Variants in PACS2 observed in about 807,000 individuals in gnomAD.
PACS2 encodes the protein PACS1-like protein.
PACS2 carries 36 observed loss-of-function variants against 113.0 expected under a neutral mutation model. The observed-to-expected ratio is 0.32, with a 90% CI of 0.24 to 0.42. The LOEUF (loss-of-function observed/expected upper bound fraction) is 0.42. Among genes scored for constraint, PACS2 ranks in the 10% least tolerant of loss-of-function variants. PACS2 has a pLI of 1.00. For missense variants in PACS2, 1,015 were observed against 1,239.5 expected, an observed-to-expected ratio of 0.82 and a Z score of 2.72; for synonymous variants, 589 against 536.1, an observed-to-expected ratio of 1.10 and a Z score of -1.36.
intron 4 of PACS2, among the ~76,000 whole-genome samples, chr14:105,361,133 A>G (rs2060663491): frequency 1.3e-5 from 2 of 152,186 alleles, no homozygotes; most frequent in Non-Finnish European, 2.9e-5. Context: ...ACTTCTCCCA[A>G]ATTCCTGTCA....
intron 16 of PACS2, chr14:105,384,054 G>A (rs922886446): frequency 5.0e-6 from 2 of 401,078 alleles, no homozygotes; most frequent in South Asian, 5.8e-5. Context: ...TCACGATGCC[G>A]ACGTCAGAGC....
At chr14:105,379,227 T>C (rs183969388) in intron 9 of PACS2, among the ~76,000 whole-genome samples, 1 of 151,944 alleles carries the variant, frequency 6.6e-6, no homozygotes, top group East Asian at 1.9e-4. Context: ...CCTGGATGGT[T>C]TGGAAGGACC....
intron 1 of PACS2, among the ~76,000 whole-genome samples, chr14:105,305,414 A>G (rs1475234347): frequency 6.6e-6 from 1 of 151,190 alleles, no homozygotes; most frequent in Non-Finnish European, 1.5e-5. Context: ...AGAAAAAAGA[A>G]ACAAGAAAAA....
In PACS2 at chr14:105,315,058, T is replaced by G; in HGVS notation, c.119+21T>G. The G allele has an allele frequency of 8.7e-7, 1 of 1,150,546 alleles. No individual in the cohort carries two copies. The highest frequency in any genetic ancestry group is 1.1e-6 in the Non-Finnish European group (1 of 928,302). 71.3% of individuals were successfully genotyped at this position (1,150,546 alleles called of 1,614,324 possible). A position where few individuals can be genotyped will look rare whatever the true frequency, so the allele number is the denominator to read the frequency against. ...CCCAGGTACGCGCCGCCCGCCGCGC[T>G]TTGTTCCCGCCGGGCACCTGCTGGG... On this transcript the variant is annotated intron_variant, in intron 1 of 24. Coordinates refer to ENST00000447393, the MANE Select transcript of PACS2 (RefSeq NM_001100913.3). This position sits in a 1 kb window ranked among gnomAD's most constrained non-coding sequence, Gnocchi z 4.4.
intron 1 of PACS2, among the ~76,000 whole-genome samples, chr14:105,336,957 C>T (rs190286592): frequency 2.4e-4 from 37 of 152,352 alleles, no homozygotes; most frequent in Non-Finnish European, 3.5e-4. Flanking sequence ...GCCTTACTCA[C>T]GGTGACTGCG....
intron 17 of PACS2, 91 bp from the exon 18 acceptor site, chr14:105,384,788 C>T: frequency 1.2e-6 from 1 of 834,222 alleles, no homozygotes; most frequent in South Asian, 1.5e-5. Flanking sequence ...GTACGGGAGG[C>T]CTGGGCGGGG....
chr14:105,327,312 C>T (rs374019839), intron 1 of PACS2, among the ~76,000 whole-genome samples: 5 of 152,180 alleles, frequency 3.3e-5, no homozygotes, highest in African/African-American at 7.2e-5. Flanking sequence ...GGGATGTGCG[C>T]GGCCAGGTCA....
rs199554211 is a variant in PACS2, at chr14:105,348,499, C to T, written c.126C>T (p.Cys42=). 100 of 1,611,030 alleles carry T rather than the reference C, an allele frequency of 6.2e-5. No homozygotes were observed. The highest frequency in any genetic ancestry group is 7.7e-5 in the Non-Finnish European group (91 of 1,178,918). The change falls in exon 2 of 25, where the codon TGC becomes TGT. Residue 42 remains cysteine (C), a synonymous_variant. Coordinates refer to ENST00000447393, the MANE Select transcript of PACS2 (RefSeq NM_001100913.3). This position sits in a 1 kb window ranked among gnomAD's most constrained non-coding sequence, Gnocchi z 6.4. ...GSSPSCVPRL[C]SLTLKKLVVF... is the part of the protein sequence containing the mutation. ...GCTGTGCCTTGCCTCACAGGTTGTG[C>T]AGCCTGACTCTGAAGAAGCTGGTGG...
chr14:105,334,546 A>C (rs944165046), intron 1 of PACS2, among the ~76,000 whole-genome samples: 2 of 151,656 alleles, frequency 1.3e-5, no homozygotes, highest in Non-Finnish European at 2.9e-5. Context: ...CCTGAGGGCC[A>C]GTGCCTACGT....
At position 105,357,789 on chromosome 14, in the gene PACS2, G is replaced by A. The variant is rs1264707337; in HGVS notation, c.423+2612G>A. Among the ~76,000 whole-genome samples, 2 of 152,224 alleles carry A rather than the reference G, an allele frequency of 1.3e-5. No homozygotes were observed. Among genetic ancestry groups the A allele is most frequent in the Admixed American group, 1.3e-4 (2 of 15,284 alleles). Reference sequence around the variant, plus strand: ...TCCGAGACTGCACGCCTGAGACGGGGGTGAGGGCATGGGTGCTGCCATAGG... The same window carrying A: ...TCCGAGACTGCACGCCTGAGACGGGAGTGAGGGCATGGGTGCTGCCATAGG... On this transcript the variant is annotated intron_variant, in intron 4 of 24. Coordinates refer to ENST00000447393, the MANE Select transcript of PACS2 (RefSeq NM_001100913.3). The surrounding 1 kb of genome is among the most constrained non-coding windows in gnomAD (Gnocchi z 5.1).
chr14:105,320,951 G>A (rs1389823097), intron 1 of PACS2, among the ~76,000 whole-genome samples: 2 of 152,114 alleles, frequency 1.3e-5, no homozygotes, highest in Admixed American at 6.6e-5. Context: ...TTAGGAGTTC[G>A]AGACCAGCCT....
rs912797555 is a variant in PACS2, at chr14:105,394,253, G to A, written c.2597-301G>A. On this transcript the variant is annotated intron_variant, in intron 24 of 24. Transcript: ENST00000447393. ...GTGGAAGTGGATGTGGACGAGCAGC[G>A]CCTGGCGGAAGGTGGTGGGGTCTGC... is the stretch of plus-strand genomic sequence containing the variant. 2.6e-5 allele frequency: 26 copies of A among 985,296 alleles called. No homozygotes were observed. In the Admixed American group the frequency reaches 8.0e-4, roughly 30 times the overall value. 61.0% of individuals were successfully genotyped at this position (985,296 alleles called of 1,614,324 possible). A position where few individuals can be genotyped will look rare whatever the true frequency, so the allele number is the denominator to read the frequency against.
chr14:105,335,017 G>A (rs2059456828), intron 1 of PACS2, among the ~76,000 whole-genome samples: 1 of 152,236 alleles, frequency 6.6e-6, no homozygotes, highest in Non-Finnish European at 1.5e-5. Flanking sequence ...GTAGGAACAT[G>A]GAATGGCCCC....
At chr14:105,300,836 A>G in exon 1 of PACS2, 2 of 187,498 alleles carry the variant, frequency 1.1e-5, no homozygotes, top group Non-Finnish European at 2.1e-5. Context: ...GGGATGGGAC[A>G]GGCACCGGGA....
chr14:105,327,218 G>A (rs1004955233), intron 1 of PACS2, among the ~76,000 whole-genome samples: 2 of 152,228 alleles, frequency 1.3e-5, no homozygotes, highest in African/African-American at 4.8e-5. Context: ...CACACAGAGC[G>A]AGCCTCAGAA....
chr14:105,385,093 C>G (rs1555413274), intron 18 of PACS2, 106 bp downstream of exon 18: 1 of 749,418 alleles, frequency 1.3e-6, no homozygotes, highest in Non-Finnish European at 2.3e-6. Context: ...CCGCAGAGCC[C>G]TGCACCGGGC....
rs2060928434 is a variant in PACS2, at chr14:105,365,919, G to A, written c.424-1294G>A. The stretch of plus-strand genomic sequence containing the variant: ...GGGCACGAGGGCGTCAGCAGTGGGT[G>A]CGAGTGTTGGCAGAAGCTGCCAGCT... On this transcript the variant is annotated intron_variant, in intron 4 of 24. Transcript: ENST00000447393. This position sits in a 1 kb window ranked among gnomAD's most constrained non-coding sequence, Gnocchi z 5.1. 6.6e-6 allele frequency among the ~76,000 whole-genome samples: 1 copy of A among 152,286 alleles called. No individual in the cohort carries two copies. The highest frequency in any genetic ancestry group is 6.5e-5 in the Admixed American group (1 of 15,294).
chr14:105,352,921 C>T (rs2060262019), intron 3 of PACS2, among the ~76,000 whole-genome samples: 1 of 135,936 alleles, frequency 7.4e-6, no homozygotes, highest in South Asian at 2.4e-4. Context: ...TCACTGTCCC[C>T]TGGGGAGATG....
intron 21 of PACS2, 110 bp from the exon 22 acceptor site, chr14:105,391,521 G>GGC: frequency 2.4e-6 from 1 of 413,378 alleles, no homozygotes; most frequent in Non-Finnish European, 4.5e-6. Context: ...CTCCCACCCT[G>GGC]CCCACCCCCA....
Sources: allele counts gnomAD v4.1 joint callset (sites outside exome capture counted in the v4.1 genomes callset), GRCh38; gene constraint gnomAD v4.1.1; non-coding constraint Gnocchi (gnomAD v3.1); transcripts MANE v1.5; gene names NCBI Gene and HGNC (gene_info 2026-07-23, HGNC 2026-07-21).